ELP3: variants seen among roughly 807,000 people sequenced by gnomAD.
ELP3 encodes the protein elongator complex protein 3.
ELP3 carries 56 observed loss-of-function variants against 74.9 expected under a neutral mutation model. The observed-to-expected ratio is 0.75, with a 90% confidence interval of 0.60 to 0.93. ELP3 has a LOEUF of 0.93. ELP3 is among the 40% of genes least tolerant of loss of function. The pLI is 0.00. For missense variants in ELP3, 573 were observed against 686.5 expected, an observed-to-expected ratio of 0.83 and a Z score of 1.85; for synonymous variants, 222 against 239.8, an observed-to-expected ratio of 0.93 and a Z score of 0.68.
At chr8:28,128,347 G>A (rs142583374) in intron 7 of ELP3, among the ~76,000 whole-genome samples, 14,856 of 152,074 alleles carry the variant, frequency 0.098, 1,017 homozygotes, top group Non-Finnish European at 0.14. Context: ...GTGGTGGCAC[G>A]CACCTGTAAT....
At chr8:28,106,915 A>G in intron 4 of ELP3, 132 bp downstream of exon 4, 2 of 645,528 alleles carry the variant, frequency 3.1e-6, no homozygotes, top group East Asian at 2.9e-5. Flanking sequence ...TACTCCTTTC[A>G]AACAAGCAAC....
At chr8:28,144,095 T>A (rs1203975886) in intron 10 of ELP3, among the ~76,000 whole-genome samples, 1 of 152,194 alleles carries the variant, frequency 6.6e-6, no homozygotes. Flanking sequence ...TTATATTTAA[T>A]TTGCCAGTCA....
At chr8:28,182,416 C>T (rs913952680) in intron 14 of ELP3, among the ~76,000 whole-genome samples, 4 of 152,106 alleles carry the variant, frequency 2.6e-5, no homozygotes, top group African/African-American at 4.8e-5. Context: ...AAAAAATTAG[C>T]TGGGTGTGGT....
intron 7 of ELP3, among the ~76,000 whole-genome samples, chr8:28,117,999 A>G (rs1016334775): frequency 2.6e-5 from 4 of 152,176 alleles, no homozygotes; most frequent in Non-Finnish European, 5.9e-5. Context: ...CTTCTCTCTC[A>G]TCCTGCCCAG....
intron 14 of ELP3, among the ~76,000 whole-genome samples, chr8:28,174,787 G>T (rs992952404): frequency 6.6e-6 from 1 of 151,858 alleles, no homozygotes; most frequent in Admixed American, 6.6e-5. Context: ...TTCAATTCAG[G>T]TTGAATGACT....
chr8:28,136,505 A>G (rs1174293320), intron 9 of ELP3, among the ~76,000 whole-genome samples: 1 of 152,230 alleles, frequency 6.6e-6, no homozygotes. Flanking sequence ...GCTGCAGAAT[A>G]TTTATTAAAG....
At chr8:28,134,951 C>T (rs1217003009) in intron 9 of ELP3, among the ~76,000 whole-genome samples, 2 of 149,918 alleles carry the variant, frequency 1.3e-5, no homozygotes, top group African/African-American at 2.5e-5. Flanking sequence ...TTCCTTGAGA[C>T]GGAGTCTCGC....
intron 10 of ELP3, among the ~76,000 whole-genome samples, chr8:28,141,112 G>A (rs778255389): frequency 2.0e-5 from 3 of 152,168 alleles, no homozygotes; most frequent in African/African-American, 4.8e-5. Flanking sequence ...ACTACCGACT[G>A]TACATAGTTG....
chr8:28,143,794 C>T (rs1020235176), intron 10 of ELP3, among the ~76,000 whole-genome samples: 3 of 152,104 alleles, frequency 2.0e-5, no homozygotes, highest in Admixed American at 6.6e-5. Flanking sequence ...AGAAGGATTA[C>T]GCATGGTAAA....
chr8:28,140,819 CAT>C (rs1164575589), intron 10 of ELP3, among the ~76,000 whole-genome samples: 1 of 152,172 alleles, frequency 6.6e-6, no homozygotes, highest in African/African-American at 2.4e-5. Flanking sequence ...GGAGAGAATA[CAT>C]GTTATGTAAG....
At chr8:28,159,735 T>A (rs1170308170) in intron 12 of ELP3, among the ~76,000 whole-genome samples, 1 of 152,194 alleles carries the variant, frequency 6.6e-6, no homozygotes, top group Non-Finnish European at 1.5e-5. Context: ...AGGCCACACT[T>A]CCTTGAAATT....
At chr8:28,116,652 A>G (rs754020505) in intron 7 of ELP3, among the ~76,000 whole-genome samples, 10 of 152,132 alleles carry the variant, frequency 6.6e-5, no homozygotes, top group Non-Finnish European at 1.5e-4. Flanking sequence ...AGGCACAGAA[A>G]CACTTGAACC....
rs1813809132 is a variant in ELP3 at position 28,155,938 on chromosome 8, A to G, written c.1101-4A>G. ...AACAGCTTATGTTTTTCTCCTGTGT[A>G]CAGGGATATTCCAATGCCTTTAGTT... On this transcript the variant is annotated splice_region_variant and splice_polypyrimidine_tract_variant and intron_variant, in intron 10 of 14. Transcript: ENST00000256398. The G allele has an allele frequency of 6.2e-7, 1 of 1,610,638 alleles. No homozygotes were observed.
intron 7 of ELP3, among the ~76,000 whole-genome samples, chr8:28,116,831 C>A (rs758472906): frequency 6.6e-6 from 1 of 152,170 alleles, no homozygotes; most frequent in African/African-American, 2.4e-5. Flanking sequence ...GTAATGATAT[C>A]ATCCAGCTAA....
chr8:28,106,399 G>T (rs1811690285), intron 3 of ELP3, among the ~76,000 whole-genome samples: 3 of 151,592 alleles, frequency 2.0e-5, no homozygotes, highest in African/African-American at 7.3e-5. Flanking sequence ...AATTAGCCGG[G>T]CGTAGTGGCG....
intron 10 of ELP3, among the ~76,000 whole-genome samples, chr8:28,144,609 G>C (rs1813362539): frequency 6.6e-6 from 1 of 152,112 alleles, no homozygotes; most frequent in South Asian, 2.1e-4. Flanking sequence ...AACAGAGTAA[G>C]ACCCTGTCTC....
intron 5 of ELP3, among the ~76,000 whole-genome samples, chr8:28,110,126 A>G (rs1247237038): frequency 6.6e-6 from 1 of 152,170 alleles, no homozygotes; most frequent in African/African-American, 2.4e-5. Flanking sequence ...GTTTATACAA[A>G]AGACAGATGT....
At chr8:28,165,334 C>T (rs977742488) in intron 14 of ELP3, among the ~76,000 whole-genome samples, 1 of 152,100 alleles carries the variant, frequency 6.6e-6, no homozygotes, top group Non-Finnish European at 1.5e-5. Flanking sequence ...ATCTCGGTCT[C>T]GTTGTAGGTT....
chr8:28,167,486 G>A (rs1428890605), intron 14 of ELP3, among the ~76,000 whole-genome samples: 1 of 152,170 alleles, frequency 6.6e-6, no homozygotes, highest in Non-Finnish European at 1.5e-5. Context: ...TTTATTCCTT[G>A]CATTGTACTC....
Sources: gnomAD v4.1 joint callset for allele counts (sites outside exome capture counted in the v4.1 genomes callset) on GRCh38, gnomAD v4.1.1 for gene constraint, MANE v1.5 for transcripts, NCBI Gene and HGNC (gene_info 2026-07-23, HGNC 2026-07-21) for gene names.